RNASEH1: variants seen among roughly 807,000 people sequenced by gnomAD.
RNASEH1 encodes ribonuclease H1.
Under a neutral mutation model 34.6 loss-of-function variants are expected in RNASEH1, and 27 were observed. The ratio of observed to expected loss-of-function variants is 0.78; its 90% CI spans 0.58 to 1.08. RNASEH1 has a LOEUF of 1.08. RNASEH1 is among the 50% of genes least tolerant of loss of function. RNASEH1 has a pLI of 0.00. For synonymous variants in RNASEH1, 162 were observed against 138.4 expected, an observed-to-expected ratio of 1.17 and a Z score of -1.20; for missense variants, 349 against 373.6, an observed-to-expected ratio of 0.93 and a Z score of 0.54.
intron 6 of RNASEH1, 89 bp from the exon 7 acceptor site, chr2:3,548,144 T>C: frequency 6.7e-7 from 1 of 1,481,612 alleles, no homozygotes. Flanking sequence ...TTGATCCCAC[T>C]TGTATTCTGA....
chr2:3,556,261 C>A (rs1219817680), intron 2 of RNASEH1, among the ~76,000 whole-genome samples: 1 of 151,252 alleles, frequency 6.6e-6, no homozygotes, highest in African/African-American at 2.4e-5. Context: ...GAAAGAACCA[C>A]ACTCATTCCT....
Position 3,548,057 on chromosome 2 carries a change from T to C in RNASEH1, c.650-2A>G. Reference sequence around the variant, plus strand: ...AACCTTGAACCCAGTTAGTTATACCTACAAAAATGCACGATCACTGGTGAG... The same window carrying C: ...AACCTTGAACCCAGTTAGTTATACCCACAAAAATGCACGATCACTGGTGAG... On this transcript the variant is annotated splice_acceptor_variant, in intron 6 of 7. Transcript: ENST00000315212. LOFTEE classifies it high-confidence loss of function. 1 of 1,614,006 alleles carries C rather than the reference T, an allele frequency of 6.2e-7. No homozygotes were observed.
At chr2:3,557,048 A>G in intron 1 of RNASEH1, 144 bp from the exon 2 acceptor site, 1 of 629,972 alleles carries the variant, frequency 1.6e-6, no homozygotes, top group Admixed American at 2.7e-5. Context: ...CATCACAGAT[A>G]CCAACATCAG....
rs567720068 is a variant in RNASEH1, at chr2:3,544,560, G to A, written c.*1225C>T. ...CAGGATTACTTGTTGGGGCAAGGAG[G>A]GGGAGAAGAAGAGGGCTGTGGCTGG... On this transcript the variant is annotated 3_prime_UTR_variant, in exon 8 of 8. Transcript: ENST00000315212. Among the ~76,000 whole-genome samples the A allele has an allele frequency of 2.6e-5, 4 of 152,176 alleles. No individual in the cohort carries two copies. Among genetic ancestry groups the A allele is most frequent in the Non-Finnish European group, 5.9e-5 (4 of 68,026 alleles).
the RNASEH1 span, chr2:3,533,939 A>G: frequency 1.3e-5 from 2 of 152,388 alleles, no homozygotes; most frequent in East Asian, 3.9e-4. Context: ...TGAAGCTGGA[A>G]AACCAAGCTG....
At position 3,558,299 on chromosome 2, in the gene RNASEH1, C is replaced by A; in HGVS notation, c.-39G>T. 2.0e-6 allele frequency: 3 copies of A among 1,500,188 alleles called. No homozygotes were observed. The highest frequency in any genetic ancestry group is 2.9e-5 in the African/African-American group (2 of 69,494). 92.9% of individuals were successfully genotyped at this position (1,500,188 alleles called of 1,614,324 possible). A position where few individuals can be genotyped will look rare whatever the true frequency, so the allele number is the denominator to read the frequency against. ...CACCGGGAAGCATTTCGACTCCCGG[C>A]CCAGCGTGGGCGCGAGCCGCCGGCG... On this transcript the variant is annotated 5_prime_UTR_variant, in exon 1 of 8. Coordinates refer to ENST00000315212, the MANE Select transcript of RNASEH1 (RefSeq NM_002936.6).
downstream of RNASEH1, among the ~76,000 whole-genome samples, chr2:3,537,909 T>C (rs1009148661): frequency 2.0e-5 from 3 of 151,772 alleles, no homozygotes; most frequent in Admixed American, 1.3e-4. Context: ...TGGTGGTGCA[T>C]GCCTGTAATC....
chr2:3,548,986 AG>A lies in RNASEH1; in HGVS notation c.564+71del, dbSNP rs1347300887. ...CTTATATGTATAGGTAGAAAAAAAA[AG>A]AATTAGTTTATTTGATAATTTCATA... On this transcript the variant is annotated intron_variant, in intron 5 of 7. Coordinates refer to ENST00000315212, the MANE Select transcript of RNASEH1 (RefSeq NM_002936.6). 4.1e-6 allele frequency: 5 copies of A among 1,222,100 alleles called. No homozygotes were observed. The East Asian group carries it at 1.2e-4, about 28-fold the overall frequency. 75.7% of individuals were successfully genotyped at this position (1,222,100 alleles called of 1,614,324 possible).
At position 3,542,456 on chromosome 2, in the gene RNASEH1, G is replaced by A. The variant is rs769972825; in HGVS notation, c.*3329C>T. ...AAACAAGATACTCAAAGAAAATCTG[G>A]GCCAAGAATTTCGTATCCAGCAAAA... On this transcript the variant is annotated 3_prime_UTR_variant, in exon 8 of 8. Transcript: ENST00000315212. Among the ~76,000 whole-genome samples the A allele has an allele frequency of 6.6e-5, 10 of 152,062 alleles. No individual in the cohort carries two copies. The highest frequency in any genetic ancestry group is 1.2e-4 in the African/African-American group (5 of 41,392).
chr2:3,548,826 T>C lies in RNASEH1; in HGVS notation c.565-102A>G, dbSNP rs534375374. On this transcript the variant is annotated intron_variant, in intron 5 of 7. Transcript: ENST00000315212. ...AATTGAAACATCCCCTCTGTACTGA[T>C]TATATTCTCTGTATGAAACACTACT... The C allele has an allele frequency of 2.2e-4, 185 of 824,684 alleles. 2 individuals are homozygous for C. The South Asian group carries it at 2.7e-3, about 12-fold the overall frequency. The allele number at this position is 824,684 out of a possible 1,614,324, so 51.1% of individuals were successfully genotyped here. A position where few individuals can be genotyped will look rare whatever the true frequency, so the allele number is the denominator to read the frequency against.
intron 4 of RNASEH1, among the ~76,000 whole-genome samples, chr2:3,549,743 G>A (rs185062636): frequency 2.0e-5 from 3 of 151,856 alleles, no homozygotes; most frequent in East Asian, 2.0e-4. Flanking sequence ...TCAGAAGATC[G>A]AGACCATCCT....
chr2:3,542,139 C>A lies in RNASEH1; in HGVS notation c.*3646G>T, dbSNP rs1217138306. 6.6e-6 allele frequency among the ~76,000 whole-genome samples: 1 copy of A among 152,014 alleles called. No homozygotes were observed. Among genetic ancestry groups the A allele is most frequent in the Non-Finnish European group, 1.5e-5 (1 of 67,992 alleles). ...TCAACATACAGATAACAGGGATCCC[C>A]ACAGAAAAAAGCCAAAGCAAGAAAA... On this transcript the variant is annotated 3_prime_UTR_variant, in exon 8 of 8. Coordinates refer to ENST00000315212, the MANE Select transcript of RNASEH1 (RefSeq NM_002936.6).
the RNASEH1 span, among the ~76,000 whole-genome samples, chr2:3,536,062 A>G: frequency 6.6e-6 from 1 of 152,230 alleles, no homozygotes; most frequent in Admixed American, 6.5e-5. Flanking sequence ...TGTGCTGCTC[A>G]GATGGTTAAA....
downstream of RNASEH1, among the ~76,000 whole-genome samples, chr2:3,539,374 G>A (rs866661676): frequency 3.3e-5 from 5 of 152,026 alleles, no homozygotes; most frequent in South Asian, 2.1e-4. Context: ...ATATACTGGC[G>A]GCTTCCCGTA....
rs992269315 is a variant in RNASEH1 at position 3,541,718 on chromosome 2, G to A, written c.*4067C>T. On this transcript the variant is annotated 3_prime_UTR_variant, in exon 8 of 8. Transcript: ENST00000315212. The stretch of plus-strand genomic sequence containing the variant: ...GTTGCCTGAACATGGAGGACACGAG[G>A]GACGGTTTAGACCGGGGTGTGAAAC... 3.3e-5 allele frequency among the ~76,000 whole-genome samples: 5 copies of A among 152,228 alleles called. No homozygotes were observed. The highest frequency in any genetic ancestry group is 2.9e-5 in the Non-Finnish European group (2 of 68,044).
At chr2:3,554,895 G>A (rs1171434947) in intron 2 of RNASEH1, among the ~76,000 whole-genome samples, 6 of 152,162 alleles carry the variant, frequency 3.9e-5, no homozygotes, top group Non-Finnish European at 7.3e-5. Context: ...CTGTAACAGC[G>A]AGGAGGCGGC....
At chr2:3,532,290 G>T in the RNASEH1 span, 1 of 702,216 alleles carries the variant, frequency 1.4e-6, no homozygotes, top group African/African-American at 1.7e-5. Context: ...AGAAACAGTA[G>T]ATCAGCAGTT....
At chr2:3,537,677 C>T (rs899175512), downstream of RNASEH1, among the ~76,000 whole-genome samples, 2 of 151,552 alleles carry the variant, frequency 1.3e-5, no homozygotes, top group Non-Finnish European at 2.9e-5. Context: ...GCTTTGACAG[C>T]GCCACTGTAC....
At chr2:3,552,065 C>G (rs1166098973) in intron 3 of RNASEH1, 79 bp downstream of exon 3, 19 of 1,168,954 alleles carry the variant, frequency 1.6e-5, no homozygotes, top group Non-Finnish European at 2.1e-5. Flanking sequence ...AAACTCCCCC[C>G]ATCAAGTGGG....
Sources: gnomAD v4.1 joint callset for allele counts (sites outside exome capture counted in the v4.1 genomes callset) on GRCh38, gnomAD v4.1.1 for gene constraint, MANE v1.5 for transcripts, NCBI Gene and HGNC (gene_info 2026-07-23, HGNC 2026-07-21) for gene names.